Variants in SNCAIP observed in about 807,000 individuals in gnomAD.
The protein encoded by SNCAIP is synphilin-1.
Under a neutral mutation model 86.7 loss-of-function variants are expected in SNCAIP, and 43 were observed. The observed-to-expected ratio is 0.50, with a 90% CI of 0.39 to 0.64. The LOEUF (loss-of-function observed/expected upper bound fraction) is 0.64. SNCAIP is among the 30% of genes least tolerant of loss of function. SNCAIP has a pLI of 0.00. For missense variants in SNCAIP, 981 were observed against 1,103.1 expected, an observed-to-expected ratio of 0.89 and a Z score of 1.57; for synonymous variants, 417 against 427.2, an observed-to-expected ratio of 0.98 and a Z score of 0.29.
chr5:122,327,131 A>G (rs1336238508), intron 1 of SNCAIP, among the ~76,000 whole-genome samples: 1 of 152,046 alleles, frequency 6.6e-6, no homozygotes, highest in Non-Finnish European at 1.5e-5. Context: ...AATAAAGTCC[A>G]ATTTTTATTG....
chr5:122,432,815 TA>T (rs1778673140), intron 6 of SNCAIP, among the ~76,000 whole-genome samples: 1 of 152,144 alleles, frequency 6.6e-6, no homozygotes, highest in Non-Finnish European at 1.5e-5. Context: ...GTTATCTTTT[TA>T]AAAAACTGGA....
chr5:122,379,753 T>C (rs1580829257), intron 1 of SNCAIP, among the ~76,000 whole-genome samples: 1 of 147,484 alleles, frequency 6.8e-6, no homozygotes, highest in Non-Finnish European at 1.5e-5. Context: ...GCATGAAGGG[T>C]TGTTGAATTT....
chr5:122,412,670 A>G (rs1774383234), intron 3 of SNCAIP, among the ~76,000 whole-genome samples: 1 of 152,050 alleles, frequency 6.6e-6, no homozygotes, highest in Admixed American at 6.5e-5. Flanking sequence ...CACCATCTAC[A>G]TGCTGCTGTG....
intron 1 of SNCAIP, among the ~76,000 whole-genome samples, chr5:122,348,706 C>T (rs1347117011): frequency 6.6e-6 from 1 of 151,882 alleles, no homozygotes; most frequent in Non-Finnish European, 1.5e-5. Flanking sequence ...CAGAATTGGA[C>T]CAATGAACAA....
intron 10 of SNCAIP, among the ~76,000 whole-genome samples, chr5:122,460,930 G>A (rs1026539059): frequency 3.9e-5 from 6 of 152,136 alleles, no homozygotes; most frequent in Non-Finnish European, 8.8e-5. Flanking sequence ...AGTCTCTCAT[G>A]CACATCATCC....
intron 1 of SNCAIP, among the ~76,000 whole-genome samples, chr5:122,322,268 T>A (rs751214485): frequency 1.3e-5 from 2 of 152,248 alleles, no homozygotes; most frequent in Non-Finnish European, 1.5e-5. Context: ...CATGTTAGCT[T>A]ATCTACTTTA....
At chr5:122,422,847 A>G (rs972341238) in intron 3 of SNCAIP, 21 bp from the exon 4 acceptor site, 2 of 1,605,248 alleles carry the variant, frequency 1.2e-6, no homozygotes, top group Non-Finnish European at 1.7e-6. Flanking sequence ...ATAGCTTTCT[A>G]TTTTAATTTT....
At chr5:122,386,912 T>G (rs759924625) in intron 1 of SNCAIP, among the ~76,000 whole-genome samples, 59 of 152,094 alleles carry the variant, frequency 3.9e-4, no homozygotes, top group Non-Finnish European at 7.2e-4. Flanking sequence ...ATGGGATGAT[T>G]TCAATCCGTG....
At chr5:122,340,957 A>G (rs949465935) in intron 1 of SNCAIP, among the ~76,000 whole-genome samples, 1 of 152,230 alleles carries the variant, frequency 6.6e-6, no homozygotes, top group Non-Finnish European at 1.5e-5. Context: ...AAGCTTAAAC[A>G]GGGGTTAGGC....
rs904056562 is a variant in SNCAIP at position 122,324,269 on chromosome 5, C to T, written c.-47+11985C>T. ...GTGCTGATTGTGAAATTATATCCTACATCCAAGCTTAGAACAACCTGGATA... is the reference window on the plus strand; with the variant it reads ...GTGCTGATTGTGAAATTATATCCTATATCCAAGCTTAGAACAACCTGGATA... On this transcript the variant is annotated intron_variant, in intron 1 of 10. Coordinates refer to ENST00000261368, the MANE Select transcript of SNCAIP (RefSeq NM_005460.4). Among the ~76,000 whole-genome samples the T allele has an allele frequency of 4.6e-5, 7 of 152,186 alleles. No homozygotes were observed. In the South Asian group the frequency reaches 1.0e-3, roughly 23 times the overall value.
At chr5:122,316,035 A>C (rs901868502) in intron 1 of SNCAIP, among the ~76,000 whole-genome samples, 1 of 152,206 alleles carries the variant, frequency 6.6e-6, no homozygotes, top group African/African-American at 2.4e-5. Flanking sequence ...TTGGGGGAGG[A>C]GAAAAATTCA....
chr5:122,361,552 G>C (rs1433273531), intron 1 of SNCAIP, among the ~76,000 whole-genome samples: 1 of 152,082 alleles, frequency 6.6e-6, no homozygotes, highest in Admixed American at 6.5e-5. Flanking sequence ...TGAAGGAGCT[G>C]TTTTTTTAAA....
At position 122,329,262 on chromosome 5, in the gene SNCAIP, C is replaced by CAA. The variant is rs78307168; in HGVS notation, c.-47+16994_-47+16995dup. The stretch of plus-strand genomic sequence containing the variant: ...TCTATGCTTTGGAAAGGTAATGTGG[C>CAA]AAAAAAAAAAAAAAAAAGATTTGAG... On this transcript the variant is annotated intron_variant, in intron 1 of 10. Coordinates refer to ENST00000261368, the MANE Select transcript of SNCAIP (RefSeq NM_005460.4). Among the ~76,000 whole-genome samples the CAA allele has an allele frequency of 7.3e-3, 595 of 81,180 alleles. 5 individuals are homozygous for CAA. The highest frequency in any genetic ancestry group is 0.019 in the African/African-American group (500 of 25,954). 53.3% of individuals were successfully genotyped at this position (81,180 alleles called of 152,430 possible).
intron 1 of SNCAIP, among the ~76,000 whole-genome samples, chr5:122,339,484 G>T (rs1235214706): frequency 6.6e-6 from 1 of 152,050 alleles, no homozygotes; most frequent in Non-Finnish European, 1.5e-5. Context: ...TAAGCCATGG[G>T]TGTGTACTTT....
intron 2 of SNCAIP, among the ~76,000 whole-genome samples, chr5:122,400,393 C>G (rs1053086770): frequency 3.9e-5 from 6 of 152,226 alleles, no homozygotes; most frequent in Non-Finnish European, 7.3e-5. Context: ...CTTTGAATGT[C>G]TATAATATTA....
intron 3 of SNCAIP, among the ~76,000 whole-genome samples, chr5:122,409,201 A>C (rs1174583575): frequency 6.6e-6 from 1 of 152,220 alleles, no homozygotes; most frequent in Admixed American, 6.5e-5. Context: ...AGTGAATGTT[A>C]ATTCTTCTCT....
At chr5:122,407,363 G>C (rs966993545) in intron 3 of SNCAIP, among the ~76,000 whole-genome samples, 1 of 152,202 alleles carries the variant, frequency 6.6e-6, no homozygotes, top group Non-Finnish European at 1.5e-5. Context: ...GAAAAAACCA[G>C]TGTAGCTGCA....
chr5:122,426,312 GT>G (rs2152931732), intron 5 of SNCAIP, among the ~76,000 whole-genome samples: 1 of 152,240 alleles, frequency 6.6e-6, no homozygotes, highest in Admixed American at 6.5e-5. Flanking sequence ...TTACATAATA[GT>G]TGTGTCTTCT....
intron 3 of SNCAIP, among the ~76,000 whole-genome samples, chr5:122,416,974 C>T (rs557910621): frequency 6.6e-6 from 1 of 152,090 alleles, no homozygotes; most frequent in South Asian, 2.1e-4. Context: ...AAATAAAATC[C>T]ATTTAACTTT....
Sources: gnomAD v4.1 joint callset for allele counts (sites outside exome capture counted in the v4.1 genomes callset) on GRCh38, gnomAD v4.1.1 for gene constraint, MANE v1.5 for transcripts, NCBI Gene and HGNC (gene_info 2026-07-23, HGNC 2026-07-21) for gene names.